Variants in KDM4C observed in about 807,000 individuals in gnomAD.
KDM4C encodes lysine-specific demethylase 4C.
KDM4C carries 81 observed loss-of-function variants against 129.3 expected under a neutral mutation model. The ratio of observed to expected loss-of-function variants is 0.63; its 90% CI spans 0.52 to 0.75. The LOEUF (loss-of-function observed/expected upper bound fraction) is 0.75, where lower values mean the gene tolerates loss of function less well. Among genes scored for constraint, KDM4C ranks in the 30% least tolerant of loss-of-function variants. The probability of loss-of-function intolerance (pLI) is 0.00; values close to 1 mark genes in which losing one functional copy is unlikely to be tolerated. For missense variants in KDM4C, 1,457 were observed against 1,304.0 expected, an observed-to-expected ratio of 1.12 and a Z score of -1.81; for synonymous variants, 573 against 456.1, an observed-to-expected ratio of 1.26 and a Z score of -3.26.
At chr9:7,157,329 A>G (rs1587916657) in intron 19 of KDM4C, among the ~76,000 whole-genome samples, 1 of 152,156 alleles carries the variant, frequency 6.6e-6, no homozygotes, top group South Asian at 2.1e-4. Flanking sequence ...TCTTTTCCTA[A>G]TTGAATACCC....
At chr9:7,031,692 G>A (rs1826814636) in intron 15 of KDM4C, among the ~76,000 whole-genome samples, 1 of 152,106 alleles carries the variant, frequency 6.6e-6, no homozygotes, top group South Asian at 2.1e-4. Context: ...GTGTGTATGT[G>A]TGTGTGTGTG....
chr9:6,778,188 C>T (rs144712863), intron 1 of KDM4C, among the ~76,000 whole-genome samples: 1 of 151,148 alleles, frequency 6.6e-6, no homozygotes, highest in African/African-American at 2.4e-5. Flanking sequence ...CTCCTGGGTT[C>T]AAGCAATTCT....
At chr9:6,933,368 A>G (rs1824115409) in intron 8 of KDM4C, among the ~76,000 whole-genome samples, 2 of 152,214 alleles carry the variant, frequency 1.3e-5, no homozygotes, top group Non-Finnish European at 2.9e-5. Flanking sequence ...GATTTTAGCT[A>G]TCTACTACAT....
At chr9:6,765,821 C>T (rs1352465117) in intron 1 of KDM4C, among the ~76,000 whole-genome samples, 1 of 152,108 alleles carries the variant, frequency 6.6e-6, no homozygotes, top group African/African-American at 2.4e-5. Context: ...TGGAGTCTTT[C>T]TCTGTCACCC....
intron 19 of KDM4C, among the ~76,000 whole-genome samples, chr9:7,153,862 C>A (rs1359983188): frequency 6.6e-6 from 1 of 152,200 alleles, no homozygotes; most frequent in African/African-American, 2.4e-5. Context: ...CAAGACCAGA[C>A]CACAGATGCC....
intron 8 of KDM4C, among the ~76,000 whole-genome samples, chr9:6,960,643 T>C (rs1213186097): frequency 6.6e-6 from 1 of 152,122 alleles, no homozygotes; most frequent in Non-Finnish European, 1.5e-5. Flanking sequence ...AGAAAGATGG[T>C]TTAAAGATGA....
At chr9:6,971,262 A>C (rs1831936697) in intron 8 of KDM4C, among the ~76,000 whole-genome samples, 2 of 152,272 alleles carry the variant, frequency 1.3e-5, no homozygotes, top group South Asian at 4.2e-4. Flanking sequence ...ATTGTTTTAA[A>C]GTGGTCTTTA....
intron 1 of KDM4C, among the ~76,000 whole-genome samples, chr9:6,738,310 C>T (rs1817591832): frequency 6.6e-6 from 1 of 152,028 alleles, no homozygotes; most frequent in Non-Finnish European, 1.5e-5. Context: ...AACCCCGTCT[C>T]TACTAAAAAT....
At chr9:7,069,831 G>A (rs1832952077) in intron 17 of KDM4C, among the ~76,000 whole-genome samples, 1 of 152,158 alleles carries the variant, frequency 6.6e-6, no homozygotes. Context: ...TAAAGTGTGT[G>A]ACAATTACAA....
At chr9:7,081,236 G>A (rs372500925) in intron 17 of KDM4C, among the ~76,000 whole-genome samples, 2 of 152,146 alleles carry the variant, frequency 1.3e-5, no homozygotes, top group African/African-American at 4.8e-5. Flanking sequence ...TATGTGCCAC[G>A]TAGACACGTA....
At chr9:6,990,308 A>G (rs1249406632) in intron 11 of KDM4C, 108 bp from the exon 12 acceptor site, 10 of 757,376 alleles carry the variant, frequency 1.3e-5, no homozygotes, top group Non-Finnish European at 9.0e-6. Flanking sequence ...AACAACCACA[A>G]GATTTCTTCA....
intron 15 of KDM4C, among the ~76,000 whole-genome samples, chr9:7,044,825 A>C (rs1482315323): frequency 1.3e-5 from 2 of 151,970 alleles, no homozygotes; most frequent in African/African-American, 4.8e-5. Flanking sequence ...AGGGCCTATT[A>C]CAGAAATTCC....
intron 15 of KDM4C, among the ~76,000 whole-genome samples, chr9:7,025,991 G>T (rs1825748213): frequency 6.6e-6 from 1 of 152,182 alleles, no homozygotes; most frequent in African/African-American, 2.4e-5. Flanking sequence ...GATCCCTTGA[G>T]GTCAGGAGTT....
At chr9:6,833,609 T>G (rs935343180) in intron 4 of KDM4C, among the ~76,000 whole-genome samples, 1 of 152,164 alleles carries the variant, frequency 6.6e-6, no homozygotes, top group Admixed American at 6.5e-5. Context: ...TAAAACAGTG[T>G]TGATAATAGT....
intron 18 of KDM4C, among the ~76,000 whole-genome samples, chr9:7,109,121 CT>C (rs995570150): frequency 6.6e-6 from 1 of 152,180 alleles, no homozygotes; most frequent in Non-Finnish European, 1.5e-5. Flanking sequence ...AAACTTCCCC[CT>C]GGGTCCTGTT....
intron 19 of KDM4C, among the ~76,000 whole-genome samples, chr9:7,129,852 C>T (rs1416392291): frequency 6.6e-6 from 1 of 152,190 alleles, no homozygotes; most frequent in Non-Finnish European, 1.5e-5. Flanking sequence ...ACACTAGGCA[C>T]TATAATTTTT....
chr9:7,063,126 T>C (rs1439058973), intron 17 of KDM4C, among the ~76,000 whole-genome samples: 2 of 152,224 alleles, frequency 1.3e-5, no homozygotes, highest in East Asian at 3.8e-4. Flanking sequence ...CACATATCTT[T>C]AGTAAAATAA....
intron 8 of KDM4C, among the ~76,000 whole-genome samples, chr9:6,925,919 G>A (rs1249468438): frequency 6.6e-6 from 1 of 152,150 alleles, no homozygotes; most frequent in African/African-American, 2.4e-5. Context: ...CCGCAGCTTA[G>A]CTTGGGATAT....
At chr9:6,730,206 C>A (rs1817275091) in intron 1 of KDM4C, among the ~76,000 whole-genome samples, 1 of 152,160 alleles carries the variant, frequency 6.6e-6, no homozygotes, top group South Asian at 2.1e-4. Flanking sequence ...GAAAAAGCAA[C>A]AGGGCTTTTC....
Sources: allele counts gnomAD v4.1 joint callset (sites outside exome capture counted in the v4.1 genomes callset), GRCh38; gene constraint gnomAD v4.1.1; transcripts MANE v1.5; gene names NCBI Gene and HGNC (gene_info 2026-07-23, HGNC 2026-07-21).